Variants in USP13 observed in about 807,000 individuals in gnomAD.
USP13 encodes the protein ubiquitin specific peptidase 13, also known as ubiquitin carboxyl-terminal hydrolase 13.
A neutral mutation model predicts 107.8 loss-of-function variants in USP13; 68 were observed. The observed-to-expected ratio is 0.63, with a 90% CI of 0.52 to 0.77. The LOEUF is 0.77. Ranked by LOEUF, USP13 falls within the 30% of genes least tolerant of loss-of-function variation. The pLI, the probability that USP13 is intolerant of heterozygous loss-of-function variation, is 0.00. For synonymous variants in USP13, 377 were observed against 389.5 expected, an observed-to-expected ratio of 0.97 and a Z score of 0.38; for missense variants, 945 against 1,093.3, an observed-to-expected ratio of 0.86 and a Z score of 1.91.
chr3:179,781,627 T>C, intron 19 of USP13, 112 bp from the exon 20 acceptor site: 1 of 881,490 alleles, frequency 1.1e-6, no homozygotes, highest in Admixed American at 2.3e-5. Flanking sequence ...GACCTTGTCT[T>C]TCAAATCTAA....
chr3:179,681,832 C>T, intron 1 of USP13, 46 bp from the exon 2 acceptor site: 2 of 1,589,322 alleles, frequency 1.3e-6, no homozygotes, highest in Non-Finnish European at 8.6e-7. Context: ...CATCTGACTA[C>T]TGGGCTAGGT....
chr3:179,727,950 C>T lies in USP13; in HGVS notation c.1089-2239C>T, dbSNP rs1198186304. Among the ~76,000 whole-genome samples the T allele has an allele frequency of 2.5e-4, 16 of 64,638 alleles. 4 individuals carry two copies. Among genetic ancestry groups the T allele is most frequent in the African/African-American group, 5.6e-4 (14 of 24,978 alleles). 42.4% of individuals were successfully genotyped at this position (64,638 alleles called of 152,430 possible). ...CTGACCCCCCCACCTCCCTCTCGGA[C>T]GAGGCGGCTGGCTGGGCGGGGGGCT... On this transcript the variant is annotated intron_variant, in intron 8 of 20. Transcript: ENST00000263966.
intron 4 of USP13, among the ~76,000 whole-genome samples, chr3:179,701,396 C>T (rs1712518686): frequency 2.0e-5 from 3 of 152,126 alleles, no homozygotes. Flanking sequence ...CTGGTCTCTT[C>T]CAGGTTGGGC....
At chr3:179,688,150 CGTAT>C (rs1414602117) in intron 2 of USP13, among the ~76,000 whole-genome samples, 5 of 104,898 alleles carry the variant, frequency 4.8e-5, no homozygotes, top group Non-Finnish European at 9.0e-5. Flanking sequence ...TCCATCCATC[CGTAT>C]ATCCATCCAT....
intron 1 of USP13, among the ~76,000 whole-genome samples, chr3:179,655,558 T>TTTG (rs1560036540): frequency 2.6e-5 from 2 of 75,546 alleles, no homozygotes; most frequent in East Asian, 4.4e-4. Context: ...GTTTTTTTTG[T>TTTG]TTTGTTTTGT....
In USP13 at chr3:179,784,882, A is replaced by G. The variant is rs2108561278; in HGVS notation, c.*741A>G. 6.6e-6 allele frequency: 1 copy of G among 152,338 alleles called. No homozygotes were observed. Among genetic ancestry groups the G allele is most frequent in the South Asian group, 2.1e-4 (1 of 4,828 alleles). 9.4% of individuals were successfully genotyped at this position (152,338 alleles called of 1,614,324 possible). A position where few individuals can be genotyped will look rare whatever the true frequency, so the allele number is the denominator to read the frequency against. ...AGCAAGTAAATATTTTAACAAAACTATGACTCAGGAACCTTCGAGAAGATT... is the reference window on the plus strand; with the variant it reads ...AGCAAGTAAATATTTTAACAAAACTGTGACTCAGGAACCTTCGAGAAGATT... On this transcript the variant is annotated 3_prime_UTR_variant, in exon 21 of 21. Transcript: ENST00000263966.
chr3:179,714,684 T>A (rs976552956), intron 6 of USP13, among the ~76,000 whole-genome samples: 13 of 152,050 alleles, frequency 8.5e-5, no homozygotes, highest in African/African-American at 2.9e-4. Flanking sequence ...GCCCAGGAGT[T>A]TGAGACCAGC....
intron 8 of USP13, among the ~76,000 whole-genome samples, chr3:179,723,601 T>A (rs1203416788): frequency 1.3e-5 from 2 of 152,334 alleles, no homozygotes; most frequent in African/African-American, 4.8e-5. Context: ...ATTTAGTATT[T>A]GAATCTCTCC....
At chr3:179,754,351 T>G (rs1044857721) in intron 14 of USP13, among the ~76,000 whole-genome samples, 1 of 152,234 alleles carries the variant, frequency 6.6e-6, no homozygotes, top group Non-Finnish European at 1.5e-5. Flanking sequence ...TACAGCTTTA[T>G]GCTTTTCAAA....
rs888139159 is a variant in USP13 at position 179,786,885 on chromosome 3, C to A, written c.*2744C>A. The A allele has an allele frequency of 6.6e-6, 1 of 152,202 alleles. No homozygotes were observed. The highest frequency in any genetic ancestry group is 1.5e-5 in the Non-Finnish European group (1 of 68,032). The allele number at this position is 152,202 out of a possible 1,614,324, so 9.4% of individuals were successfully genotyped here. A position where few individuals can be genotyped will look rare whatever the true frequency, so the allele number is the denominator to read the frequency against. The stretch of plus-strand genomic sequence containing the variant: ...GACAGCACTTTCTTCCTGTAAATAT[C>A]TTTTGATATCCATTTATGTAGAATT... On this transcript the variant is annotated 3_prime_UTR_variant, in exon 21 of 21. Coordinates refer to ENST00000263966, the MANE Select transcript of USP13 (RefSeq NM_003940.3).
At chr3:179,702,311 G>C (rs1240674053) in intron 4 of USP13, among the ~76,000 whole-genome samples, 2 of 152,104 alleles carry the variant, frequency 1.3e-5, no homozygotes, top group Admixed American at 6.6e-5. Context: ...GAGCCACCGC[G>C]CCCGGCCTGG....
chr3:179,705,289 T>G (rs1712672311), intron 4 of USP13, among the ~76,000 whole-genome samples: 1 of 151,990 alleles, frequency 6.6e-6, no homozygotes, highest in Non-Finnish European at 1.5e-5. Context: ...AGATTACAAA[T>G]TTTGTTATTT....
rs966043877 is a variant in USP13 at position 179,788,743 on chromosome 3, C to G, written c.*4602C>G. On this transcript the variant is annotated 3_prime_UTR_variant, in exon 21 of 21. Transcript: ENST00000263966. Reference sequence around the variant, plus strand: ...TAACGTTATACTTCTATTGGACAGCCCCACTCTAGACTTACATGGTGTGGG... The same window carrying G: ...TAACGTTATACTTCTATTGGACAGCGCCACTCTAGACTTACATGGTGTGGG... 4 of 151,940 alleles carry G rather than the reference C, an allele frequency of 2.6e-5. No homozygotes were observed. The highest frequency in any genetic ancestry group is 5.9e-5 in the Non-Finnish European group (4 of 68,008). 9.4% of individuals were successfully genotyped at this position (151,940 alleles called of 1,614,324 possible).
chr3:179,658,165 A>G (rs1353862022), intron 1 of USP13, among the ~76,000 whole-genome samples: 3 of 152,286 alleles, frequency 2.0e-5, no homozygotes, highest in Admixed American at 6.5e-5. Context: ...TATGTTGGCC[A>G]GGCTGGTCCT....
At chr3:179,657,601 A>G (rs2108428915) in intron 1 of USP13, among the ~76,000 whole-genome samples, 1 of 151,390 alleles carries the variant, frequency 6.6e-6, no homozygotes, top group East Asian at 2.0e-4. Context: ...TCTCTACTAA[A>G]AAAAATACAA....
chr3:179,729,718 C>T lies in USP13; in HGVS notation c.1089-471C>T, dbSNP rs562741008. 4.6e-5 allele frequency among the ~76,000 whole-genome samples: 7 copies of T among 152,242 alleles called. 1 individual carries two copies. Among genetic ancestry groups the T allele is most frequent in the African/African-American group, 1.2e-4 (5 of 41,536 alleles). On this transcript the variant is annotated intron_variant, in intron 8 of 20. Transcript: ENST00000263966. ...AACTCCTGACCTCCGATGATCCACCCGCCTCAGCCTTCCAAAGTGCTGGGA... is the reference window on the plus strand; with the variant it reads ...AACTCCTGACCTCCGATGATCCACCTGCCTCAGCCTTCCAAAGTGCTGGGA...
At chr3:179,670,349 T>C (rs1273393617) in intron 1 of USP13, among the ~76,000 whole-genome samples, 1 of 152,224 alleles carries the variant, frequency 6.6e-6, no homozygotes. Context: ...TCTGATGTCT[T>C]GCATTGAGGG....
chr3:179,763,318 G>A (rs945439621), intron 17 of USP13, among the ~76,000 whole-genome samples: 2 of 152,032 alleles, frequency 1.3e-5, no homozygotes, highest in African/African-American at 4.8e-5. Flanking sequence ...ACTTACTCCT[G>A]TGTTTTCTTC....
At chr3:179,686,659 C>T (rs946563556) in intron 2 of USP13, among the ~76,000 whole-genome samples, 10 of 152,184 alleles carry the variant, frequency 6.6e-5, no homozygotes, top group Non-Finnish European at 1.3e-4. Flanking sequence ...TTATTAAAAG[C>T]TTCTTTAAAA....
Sources: gnomAD v4.1 joint callset for allele counts (sites outside exome capture counted in the v4.1 genomes callset) on GRCh38, gnomAD v4.1.1 for gene constraint, MANE v1.5 for transcripts, NCBI Gene and HGNC (gene_info 2026-07-23, HGNC 2026-07-21) for gene names.